The following JAM3 variants were observed in gnomAD, a reference collection of about 807,000 sequenced individuals.
JAM3 encodes junctional adhesion molecule 3.
A neutral mutation model predicts 39.4 loss-of-function variants in JAM3; 31 were observed. That is an observed-to-expected ratio of 0.79 (90% CI 0.59 to 1.06). JAM3 has a LOEUF of 1.06. JAM3 is among the 50% of genes least tolerant of loss of function. The pLI is 0.00. For missense variants in JAM3, 455 were observed against 391.4 expected (o/e 1.16, Z -1.37); for synonymous variants, 182 against 148.7 (o/e 1.22, Z -1.63).
Position 134,076,833 on chromosome 11 carries a change from C to CTTTTTTTTTTTTTTTTT in JAM3, c.76+7678_76+7694dup, listed in dbSNP as rs71038556. On this transcript the variant is annotated intron_variant, in intron 1 of 8. Transcript: ENST00000299106. ...TTTGCAATCTCACTAACATCTATTG[C>CTTTTTTTTTTTTTTTTT]TTTTTTTTTTTTTTTTTTTTGAGAT... 2.5e-5 allele frequency among the ~76,000 whole-genome samples: 3 copies of CTTTTTTTTTTTTTTTTT among 118,532 alleles called. 1 individual carries two copies. The highest frequency in any genetic ancestry group is 6.7e-5 in the African/African-American group (2 of 29,790). 77.8% of individuals were successfully genotyped at this position (118,532 alleles called of 152,430 possible).
chr11:134,098,195 G>C (rs1345254976), intron 1 of JAM3, among the ~76,000 whole-genome samples: 1 of 152,152 alleles, frequency 6.6e-6, no homozygotes, highest in Non-Finnish European at 1.5e-5. Flanking sequence ...TACTGTGCAT[G>C]CATATGTATA....
chr11:134,117,302 G>A (rs1422598054), intron 1 of JAM3, among the ~76,000 whole-genome samples: 4 of 152,158 alleles, frequency 2.6e-5, no homozygotes, highest in South Asian at 2.1e-4. Context: ...GCTTGAACCC[G>A]GGAGGCGGAG....
At chr11:134,113,506 A>G (rs1031417404) in intron 1 of JAM3, among the ~76,000 whole-genome samples, 2 of 152,146 alleles carry the variant, frequency 1.3e-5, no homozygotes, top group Non-Finnish European at 2.9e-5. Context: ...TCCATATCCC[A>G]ACAAAGGACA....
At chr11:134,144,770 C>T (rs561037073) in intron 4 of JAM3, 22 bp from the exon 5 acceptor site, 3 of 1,564,092 alleles carry the variant, frequency 1.9e-6, no homozygotes, top group African/African-American at 2.0e-5. Flanking sequence ...AGATCTTAAA[C>T]ACCACCCCTT....
chr11:134,126,425 T>C (rs1410878390), intron 1 of JAM3: 1 of 152,268 alleles, frequency 6.6e-6, no homozygotes, highest in Non-Finnish European at 1.5e-5. Flanking sequence ...CAGATTTGTT[T>C]ATATGCATGA....
intron 4 of JAM3, 103 bp downstream of exon 4, chr11:134,144,496 C>T: frequency 2.2e-6 from 3 of 1,387,482 alleles, no homozygotes; most frequent in Non-Finnish European, 3.1e-6. Context: ...GAGGGCTTCA[C>T]ATGGCTTAGG....
At chr11:134,122,031 TA>T (rs1430723572) in intron 1 of JAM3, among the ~76,000 whole-genome samples, 3 of 152,234 alleles carry the variant, frequency 2.0e-5, no homozygotes, top group Admixed American at 2.0e-4. Flanking sequence ...GATATACCAT[TA>T]TTTTTTTACT....
chr11:134,117,985 G>C (rs1439006107), intron 1 of JAM3, among the ~76,000 whole-genome samples: 1 of 152,166 alleles, frequency 6.6e-6, no homozygotes. Flanking sequence ...TAGCATATGA[G>C]AGCACACATT....
intron 1 of JAM3, among the ~76,000 whole-genome samples, chr11:134,120,567 A>G (rs1183873543): frequency 1.3e-5 from 2 of 152,218 alleles, no homozygotes; most frequent in Non-Finnish European, 2.9e-5. Context: ...GTTAGTAGCC[A>G]TTGTTAATGT....
chr11:134,131,762 T>C (rs1942773996), intron 1 of JAM3, among the ~76,000 whole-genome samples: 1 of 152,046 alleles, frequency 6.6e-6, no homozygotes, highest in Non-Finnish European at 1.5e-5. Flanking sequence ...ATTACAGAAA[T>C]GAAACAAATT....
chr11:134,143,176 T>C (rs1943006327), intron 3 of JAM3, among the ~76,000 whole-genome samples: 1 of 152,154 alleles, frequency 6.6e-6, no homozygotes, highest in African/African-American at 2.4e-5. Flanking sequence ...CGACAGAGTG[T>C]TTTTCAAAGC....
chr11:134,081,513 T>G (rs1261052242), intron 1 of JAM3, among the ~76,000 whole-genome samples: 2 of 152,096 alleles, frequency 1.3e-5, no homozygotes, highest in Non-Finnish European at 2.9e-5. Flanking sequence ...CTTCAGAGGG[T>G]GCAAGCCCCA....
intron 1 of JAM3, among the ~76,000 whole-genome samples, chr11:134,133,672 G>A (rs985788462): frequency 6.6e-6 from 1 of 152,130 alleles, no homozygotes; most frequent in Non-Finnish European, 1.5e-5. Flanking sequence ...TTCCACCCAA[G>A]GGGAGTGGGG....
intron 1 of JAM3, among the ~76,000 whole-genome samples, chr11:134,091,254 G>A (rs1941844530): frequency 6.6e-6 from 1 of 152,042 alleles, no homozygotes; most frequent in African/African-American, 2.4e-5. Context: ...TCAGCACTTT[G>A]GGAGGCCGAG....
chr11:134,098,132 A>G (rs991704905), intron 1 of JAM3, among the ~76,000 whole-genome samples: 5 of 152,282 alleles, frequency 3.3e-5, no homozygotes, highest in Non-Finnish European at 5.9e-5. Flanking sequence ...GCATCGTGCT[A>G]AAGTGTCACC....
Position 134,134,421 on chromosome 11 carries a change from AAC to A in JAM3, c.77-5428_77-5427del, listed in dbSNP as rs1344128367. Reference sequence around the variant, plus strand: ...GCCAAAAAAAAAAAAAAAAAAAAAAAACATCTAGGCATATCATAATCACACTG... The same window carrying A: ...GCCAAAAAAAAAAAAAAAAAAAAAAAATCTAGGCATATCATAATCACACTG... On this transcript the variant is annotated intron_variant, in intron 1 of 8. Coordinates refer to ENST00000299106, the MANE Select transcript of JAM3 (RefSeq NM_032801.5). Among the ~76,000 whole-genome samples, 441 of 144,924 alleles carry A rather than the reference AAC, an allele frequency of 3.0e-3. 1 individual carries two copies. Among genetic ancestry groups the A allele is most frequent in the African/African-American group, 0.01 (395 of 39,208 alleles).
chr11:134,106,912 A>T (rs1317068883), intron 1 of JAM3, among the ~76,000 whole-genome samples: 4 of 152,226 alleles, frequency 2.6e-5, no homozygotes, highest in Non-Finnish European at 5.9e-5. Context: ...ACCGTTGTGG[A>T]AGACAGTGTG....
intron 1 of JAM3, among the ~76,000 whole-genome samples, chr11:134,135,691 C>T (rs190528039): frequency 3.2e-4 from 49 of 151,562 alleles, no homozygotes; most frequent in African/African-American, 1.0e-3. Flanking sequence ...GTGTGATGCC[C>T]GGCTAATAGA....
At chr11:134,138,104 C>T (rs994873418) in intron 1 of JAM3, among the ~76,000 whole-genome samples, 2 of 129,850 alleles carry the variant, frequency 1.5e-5, no homozygotes, top group Non-Finnish European at 3.2e-5. Context: ...GGTGGTGTCT[C>T]GTCTAAGTCA....
Sources: gnomAD v4.1 joint callset for allele counts (sites outside exome capture counted in the v4.1 genomes callset) on GRCh38, gnomAD v4.1.1 for gene constraint, MANE v1.5 for transcripts, NCBI Gene and HGNC (gene_info 2026-07-23, HGNC 2026-07-21) for gene names.